The following PROS1 variants were observed in gnomAD, a reference collection of about 807,000 sequenced individuals.
The protein encoded by PROS1 is vitamin K-dependent protein S.
Under a neutral mutation model 75.9 loss-of-function variants are expected in PROS1, and 29 were observed. The ratio of observed to expected loss-of-function variants is 0.38; its 90% confidence interval spans 0.28 to 0.52. PROS1 has a LOEUF of 0.52. Among genes scored for constraint, PROS1 ranks in the 20% least tolerant of loss-of-function variants. The probability of loss-of-function intolerance (pLI) is 0.83; values close to 1 mark genes in which losing one functional copy is unlikely to be tolerated. For missense variants in PROS1, 680 were observed against 810.3 expected, an observed-to-expected ratio of 0.84 and a Z score of 1.95; for synonymous variants, 245 against 280.6, an observed-to-expected ratio of 0.87 and a Z score of 1.27.
In PROS1 at chr3:93,936,562, T is replaced by C. The variant is rs533204808; in HGVS notation, c.77-9155A>G. ...ACACACCAAAGAAAGGCCATCTGAG[T>C]AGCCAGCGAGAAGGCAGCCATTTGG... On this transcript the variant is annotated intron_variant, in intron 1 of 14. Coordinates refer to ENST00000394236, the MANE Select transcript of PROS1 (RefSeq NM_000313.4). Among the ~76,000 whole-genome samples, 4 of 152,214 alleles carry C rather than the reference T, an allele frequency of 2.6e-5. No homozygotes were observed. The East Asian group carries it at 7.7e-4, about 29-fold the overall frequency.
intron 2 of PROS1, among the ~76,000 whole-genome samples, chr3:93,925,578 G>A (rs1405001909): frequency 6.6e-6 from 1 of 152,028 alleles, no homozygotes; most frequent in Non-Finnish European, 1.5e-5. Flanking sequence ...GTGGTCACAC[G>A]TGTAATCCTA....
At chr3:93,917,071 T>A (rs1386581950) in intron 3 of PROS1, among the ~76,000 whole-genome samples, 1 of 152,202 alleles carries the variant, frequency 6.6e-6, no homozygotes, top group East Asian at 1.9e-4. Context: ...GCTGAATGTT[T>A]GCTTGTTTTG....
chr3:93,938,560 G>C (rs1352065695), intron 1 of PROS1, among the ~76,000 whole-genome samples: 3 of 152,104 alleles, frequency 2.0e-5, no homozygotes, highest in Admixed American at 6.5e-5. Flanking sequence ...ACCAGCCCAA[G>C]GAACATCTCA....
intron 2 of PROS1, among the ~76,000 whole-genome samples, chr3:93,926,150 A>C (rs1475678903): frequency 6.6e-6 from 1 of 152,194 alleles, no homozygotes; most frequent in East Asian, 1.9e-4. Flanking sequence ...CAAAACAAAA[A>C]TTAGAATGGA....
In PROS1 at chr3:93,925,657, C is replaced by T. The variant is rs530558430; in HGVS notation, c.235-1393G>A. Among the ~76,000 whole-genome samples, 7 of 151,622 alleles carry T rather than the reference C, an allele frequency of 4.6e-5. No individual in the cohort carries two copies. The South Asian group carries it at 8.4e-4, about 18-fold the overall frequency. On this transcript the variant is annotated intron_variant, in intron 2 of 14. Coordinates refer to ENST00000394236, the MANE Select transcript of PROS1 (RefSeq NM_000313.4). The stretch of plus-strand genomic sequence containing the variant: ...TGGGCAACATGGCAAAACGCCCTCT[C>T]GACAAAAAATACCAAAATTAGCCAG...
chr3:93,912,413 A>G (rs1314714452), intron 3 of PROS1, among the ~76,000 whole-genome samples: 2 of 152,318 alleles, frequency 1.3e-5, no homozygotes, highest in African/African-American at 4.8e-5. Flanking sequence ...ATAAGGTAAC[A>G]GTCACAAGTT....
At chr3:93,910,380 G>A (rs1295480944) in intron 4 of PROS1, among the ~76,000 whole-genome samples, 1 of 152,056 alleles carries the variant, frequency 6.6e-6, no homozygotes, top group African/African-American at 2.4e-5. Context: ...ATAACCTTTA[G>A]GAACAGAGAA....
chr3:93,886,147 G>A (rs897255811), intron 11 of PROS1, among the ~76,000 whole-genome samples, 189 bp downstream of exon 11: 3 of 151,966 alleles, frequency 2.0e-5, no homozygotes, highest in Non-Finnish European at 4.4e-5. Context: ...AAACCACTAC[G>A]TCATTTTTTT....
At chr3:93,902,059 C>T (rs1708604480) in intron 6 of PROS1, among the ~76,000 whole-genome samples, 1 of 152,012 alleles carries the variant, frequency 6.6e-6, no homozygotes, top group Non-Finnish European at 1.5e-5. Flanking sequence ...GTGCTGTAAT[C>T]CTAGCACTTT....
chr3:93,929,566 T>C (rs1223453290), intron 1 of PROS1, among the ~76,000 whole-genome samples: 1 of 152,210 alleles, frequency 6.6e-6, no homozygotes, highest in African/African-American at 2.4e-5. Context: ...AAGATACTCT[T>C]GTACTGGAGA....
chr3:93,885,427 C>T (rs1708332061), intron 11 of PROS1, among the ~76,000 whole-genome samples: 2 of 152,022 alleles, frequency 1.3e-5, no homozygotes, highest in South Asian at 2.1e-4. Flanking sequence ...GGTTTTGCTA[C>T]ATTGGCCAGG....
intron 1 of PROS1, among the ~76,000 whole-genome samples, chr3:93,964,791 T>C (rs1408715823): frequency 6.6e-6 from 1 of 152,190 alleles, no homozygotes; most frequent in African/African-American, 2.4e-5. Flanking sequence ...TACAGATACG[T>C]GGCGTCACCC....
chr3:93,895,957 C>G (rs1199897881), intron 9 of PROS1, among the ~76,000 whole-genome samples: 1 of 152,054 alleles, frequency 6.6e-6, no homozygotes, highest in Non-Finnish European at 1.5e-5. Flanking sequence ...AAGCAAGACT[C>G]TGTCTCAAAA....
chr3:93,940,293 G>T (rs747234841), intron 1 of PROS1, among the ~76,000 whole-genome samples: 1 of 152,150 alleles, frequency 6.6e-6, no homozygotes, highest in East Asian at 1.9e-4. Flanking sequence ...CTGCCCGATT[G>T]CCTCGGAAGT....
At chr3:93,915,431 A>T (rs1363656843) in intron 3 of PROS1, among the ~76,000 whole-genome samples, 3 of 152,208 alleles carry the variant, frequency 2.0e-5, no homozygotes, top group Non-Finnish European at 2.9e-5. Flanking sequence ...ACACCACTGC[A>T]CTCCAGCCTG....
intron 3 of PROS1, among the ~76,000 whole-genome samples, chr3:93,916,179 C>T (rs990827633): frequency 2.0e-5 from 3 of 152,102 alleles, no homozygotes; most frequent in African/African-American, 7.2e-5. Flanking sequence ...CCCAGTAAAA[C>T]CTAAGTAGTT....
intron 1 of PROS1, among the ~76,000 whole-genome samples, chr3:93,954,853 C>G (rs1709571618): frequency 6.6e-6 from 1 of 152,172 alleles, no homozygotes; most frequent in African/African-American, 2.4e-5. Flanking sequence ...TATCCAGAAT[C>G]TACAAAGAAC....
intron 1 of PROS1, among the ~76,000 whole-genome samples, chr3:93,952,367 T>C (rs1448871841): frequency 1.3e-5 from 2 of 152,136 alleles, no homozygotes; most frequent in Admixed American, 6.6e-5. Flanking sequence ...ACAGAAATTA[T>C]AACAAACTGT....
intron 1 of PROS1, chr3:93,967,904 A>C (rs1709815019): frequency 2.0e-5 from 3 of 152,198 alleles, no homozygotes. Flanking sequence ...AAAATAAATA[A>C]ATAAATAAAT....
Sources: gnomAD v4.1 joint callset for allele counts (sites outside exome capture counted in the v4.1 genomes callset) on GRCh38, gnomAD v4.1.1 for gene constraint, MANE v1.5 for transcripts, NCBI Gene and HGNC (gene_info 2026-07-23, HGNC 2026-07-21) for gene names.